Variants in COL19A1 observed in about 807,000 individuals in gnomAD.
COL19A1 encodes the protein collagen type XIX alpha 1 chain, also known as collagen alpha-1(XIX) chain.
A neutral mutation model predicts 190.2 loss-of-function variants in COL19A1; 159 were observed. The ratio of observed to expected loss-of-function variants is 0.84; its 90% CI spans 0.73 to 0.95. COL19A1 has a LOEUF of 0.95. Among genes scored for constraint, COL19A1 ranks in the 40% least tolerant of loss-of-function variants. COL19A1 has a pLI of 0.00. For missense variants in COL19A1, 1,418 were observed against 1,431.9 expected (o/e 0.99, Z 0.16); for synonymous variants, 509 against 458.9 (o/e 1.11, Z -1.39).
At chr6:70,126,816 G>A (rs1482270446) in intron 17 of COL19A1, among the ~76,000 whole-genome samples, 1 of 152,168 alleles carries the variant, frequency 6.6e-6, no homozygotes, top group Non-Finnish European at 1.5e-5. Context: ...TATCTTCCAG[G>A]TCTCTCTCCT....
intron 33 of COL19A1, 39 bp from the exon 34 acceptor site, chr6:70,156,631 A>AATG (rs1787457023): frequency 6.2e-7 from 1 of 1,603,582 alleles, no homozygotes; most frequent in Non-Finnish European, 8.5e-7. Flanking sequence ...AGATAAGAAA[A>AATG]ATGATTGCAT....
chr6:70,180,664 G>A, intron 44 of COL19A1, 141 bp downstream of exon 44: 1 of 808,000 alleles, frequency 1.2e-6, no homozygotes, highest in Non-Finnish European at 2.0e-6. Context: ...ATTTTTGATG[G>A]CAAGGGCAGG....
At chr6:69,908,931 A>T (rs1202351558) in intron 4 of COL19A1, among the ~76,000 whole-genome samples, 1 of 152,164 alleles carries the variant, frequency 6.6e-6, no homozygotes. Flanking sequence ...ATTTGTGGAC[A>T]TTAGTAGATA....
chr6:70,025,936 G>A (rs965208333), intron 12 of COL19A1, among the ~76,000 whole-genome samples: 1 of 152,186 alleles, frequency 6.6e-6, no homozygotes, highest in Non-Finnish European at 1.5e-5. Context: ...CATGTTGACC[G>A]TTCTGTGTGA....
At chr6:69,955,519 CAA>C (rs1207303292) in intron 9 of COL19A1, among the ~76,000 whole-genome samples, 2 of 133,822 alleles carry the variant, frequency 1.5e-5, no homozygotes, top group Non-Finnish European at 3.1e-5. Context: ...GTAGCCACAG[CAA>C]AGTGTGTGTG....
At chr6:70,001,806 T>A (rs1290981729) in intron 11 of COL19A1, among the ~76,000 whole-genome samples, 1 of 152,198 alleles carries the variant, frequency 6.6e-6, no homozygotes, top group African/African-American at 2.4e-5. Flanking sequence ...AATCATGTCA[T>A]CTGCAAACAG....
chr6:70,176,189 AT>A (rs1339234775), intron 41 of COL19A1, among the ~76,000 whole-genome samples: 1 of 152,222 alleles, frequency 6.6e-6, no homozygotes, highest in Non-Finnish European at 1.5e-5. Context: ...TCTTTTGAAC[AT>A]GTAGAATAAA....
At chr6:70,176,162 T>C (rs1293104972) in intron 41 of COL19A1, among the ~76,000 whole-genome samples, 7 of 152,186 alleles carry the variant, frequency 4.6e-5, no homozygotes, top group Admixed American at 2.0e-4. Flanking sequence ...GCTTAATCTT[T>C]TAAGCAAGAG....
chr6:70,050,605 T>C (rs2150131826), intron 14 of COL19A1, among the ~76,000 whole-genome samples: 1 of 152,210 alleles, frequency 6.6e-6, no homozygotes, highest in Non-Finnish European at 1.5e-5. Context: ...CACCCAATCC[T>C]ACAGTGAAAA....
intron 14 of COL19A1, among the ~76,000 whole-genome samples, chr6:70,040,696 GA>G (rs926253190): frequency 3.0e-4 from 46 of 151,336 alleles, no homozygotes; most frequent in Admixed American, 2.1e-3. Context: ...AAAAGAAAAG[GA>G]AAAAAAATAA....
At chr6:70,008,626 A>G (rs989416658) in intron 11 of COL19A1, among the ~76,000 whole-genome samples, 10 of 151,896 alleles carry the variant, frequency 6.6e-5, no homozygotes, top group African/African-American at 1.9e-4. Context: ...AATGAGACCA[A>G]TCCTACACAT....
chr6:69,978,234 GATACATATAC>G (rs547301559), intron 11 of COL19A1, among the ~76,000 whole-genome samples: 1 of 152,030 alleles, frequency 6.6e-6, no homozygotes, highest in Non-Finnish European at 1.5e-5. Flanking sequence ...TATACATATA[GATACATATAC>G]ATACATATAT....
intron 49 of COL19A1, among the ~76,000 whole-genome samples, chr6:70,204,076 G>C (rs1767716733): frequency 6.6e-6 from 1 of 152,138 alleles, no homozygotes; most frequent in South Asian, 2.1e-4. Flanking sequence ...GGCCAGGCTG[G>C]TCTTGAACTC....
chr6:70,090,400 G>A (rs545836773), intron 15 of COL19A1, among the ~76,000 whole-genome samples: 5 of 152,158 alleles, frequency 3.3e-5, no homozygotes, highest in East Asian at 1.9e-4. Flanking sequence ...TTCATTGTAC[G>A]TATTATAAGT....
chr6:69,885,782 T>C (rs1464264545), intron 2 of COL19A1, among the ~76,000 whole-genome samples: 6 of 152,224 alleles, frequency 3.9e-5, no homozygotes, highest in Admixed American at 3.3e-4. Flanking sequence ...TTAAGGTCTA[T>C]CTATGCTGTG....
chr6:69,878,280 C>T (rs149389874), intron 1 of COL19A1, among the ~76,000 whole-genome samples: 15,218 of 151,728 alleles, frequency 0.1, 965 homozygotes, highest in Middle Eastern at 0.3. Context: ...GTGGCACAAT[C>T]TCAGCTCACT....
chr6:70,016,363 T>TAATAAAAAAAAAAAAAAAAAAAA, intron 11 of COL19A1, among the ~76,000 whole-genome samples: 1 of 30,688 alleles, frequency 3.3e-5, no homozygotes, highest in Non-Finnish European at 6.0e-5. Context: ...ACTTAGAGTA[T>TAATAAAAAAAAAAAAAAAAAAAA]AATAAAAAAA....
chr6:69,961,639 CAT>C (rs1246405576), intron 10 of COL19A1, among the ~76,000 whole-genome samples: 4 of 152,046 alleles, frequency 2.6e-5, no homozygotes, highest in Non-Finnish European at 5.9e-5. Context: ...TAACAACTGA[CAT>C]ATATTCTTTC....
intron 11 of COL19A1, among the ~76,000 whole-genome samples, chr6:70,006,395 G>A (rs1300009826): frequency 2.6e-5 from 4 of 152,212 alleles, no homozygotes; most frequent in Non-Finnish European, 4.4e-5. Context: ...TGGCTGGGGG[G>A]TGAGGGCTCC....
Sources: allele counts gnomAD v4.1 joint callset (sites outside exome capture counted in the v4.1 genomes callset), GRCh38; gene constraint gnomAD v4.1.1; transcripts MANE v1.5; gene names NCBI Gene and HGNC (gene_info 2026-07-23, HGNC 2026-07-21).